The following NOS1 variants were observed in gnomAD, a reference collection of about 807,000 sequenced individuals.
NOS1 encodes the protein nitric oxide synthase 1, also known as NOS type I.
Under a neutral mutation model 164.5 loss-of-function variants are expected in NOS1, and 51 were observed. That is an observed-to-expected ratio of 0.31 (90% CI 0.25 to 0.39). The LOEUF is 0.39. NOS1 is among the 10% of genes least tolerant of loss of function. The pLI is 1.00. For synonymous variants in NOS1, 719 were observed against 745.8 expected, an observed-to-expected ratio of 0.96 and a Z score of 0.59; for missense variants, 1,362 against 1,885.6, an observed-to-expected ratio of 0.72 and a Z score of 5.14.
At chr12:117,247,284 G>C in intron 18 of NOS1, 64 bp downstream of exon 18, 1 of 1,322,668 alleles carries the variant, frequency 7.6e-7, no homozygotes, top group Non-Finnish European at 1.0e-6. Flanking sequence ...TGATGGTTTA[G>C]GTGCTGTCTT....
Position 117,225,088 on chromosome 12 carries a change from C to T in NOS1, c.3754G>A (p.Val1252Ile), listed in dbSNP as rs761681327. Reference sequence around the variant, plus strand: ...GGGGCAATGCCGGTGCCTGGTCCAACGAGGATGCAGGGGACTTGGGGGTTC... The same window carrying T: ...GGGGCAATGCCGGTGCCTGGTCCAATGAGGATGCAGGGGACTTGGGGGTTC... ...PRNPQVPCILVGPGTGIAPFR... is the reference protein window; with the variant it reads ...PRNPQVPCILIGPGTGIAPFR... The change falls in exon 25 of 29, where the codon GTT (valine) becomes ATT (isoleucine). Residue 1252 changes from valine (V) to isoleucine (I), a missense_variant. Around this residue, in one of 4 missense-constraint regions of NOS1, gnomAD observed 737 missense variants for 1,030.3 expected, o/e 0.72. Transcript: ENST00000317775. The T allele has an allele frequency of 1.7e-5, 28 of 1,614,104 alleles. No homozygotes were observed. Among genetic ancestry groups the T allele is most frequent in the South Asian group, 1.1e-4 (10 of 91,074 alleles).
intron 1 of NOS1, among the ~76,000 whole-genome samples, chr12:117,358,795 A>G (rs1047613898): frequency 2.0e-5 from 3 of 152,194 alleles, no homozygotes; most frequent in South Asian, 2.1e-4. Context: ...GGGGAAAAAA[A>G]TCACACAATT....
Position 117,322,104 on chromosome 12 carries a change from C to T in NOS1, c.725+8241G>A, listed in dbSNP as rs375428057. On this transcript the variant is annotated intron_variant, in intron 2 of 28. Transcript: ENST00000317775. ...TTTCTCTCTTCTTCCTTCCCTCCCTCTCTCCTCCCTTCCCCTTTTCCTTCC... is the reference window on the plus strand; with the variant it reads ...TTTCTCTCTTCTTCCTTCCCTCCCTTTCTCCTCCCTTCCCCTTTTCCTTCC... 9.0e-4 allele frequency among the ~76,000 whole-genome samples: 121 copies of T among 134,140 alleles called. 1 individual carries two copies. The highest frequency in any genetic ancestry group is 2.8e-3 in the African/African-American group (102 of 36,162). The allele number at this position is 134,140 out of a possible 152,430, so 88.0% of individuals were successfully genotyped here. A position where few individuals can be genotyped will look rare whatever the true frequency, so the allele number is the denominator to read the frequency against.
At chr12:117,221,818 ATTTTTTTTTTTT>A (rs3070338) in intron 26 of NOS1, among the ~76,000 whole-genome samples, 1 of 111,550 alleles carries the variant, frequency 9.0e-6, no homozygotes, top group South Asian at 2.9e-4. Context: ...GCTAACTTAA[ATTTTTTTTTTTT>A]TTTTTTTTTT....
In NOS1 at chr12:117,214,214, T is replaced by C; in HGVS notation, c.*1095A>G. 1 of 985,376 alleles carries C rather than the reference T, an allele frequency of 1.0e-6. No homozygotes were observed. Among genetic ancestry groups the C allele is most frequent in the Non-Finnish European group, 1.2e-6 (1 of 829,888 alleles). 61.0% of individuals were successfully genotyped at this position (985,376 alleles called of 1,614,324 possible). On this transcript the variant is annotated 3_prime_UTR_variant, in exon 29 of 29. Transcript: ENST00000317775. Reference sequence around the variant, plus strand: ...TGGGGGAATAAAAAAATAATAATCATATTGTTACTTGATATTGTTTCCAGG... The same window carrying C: ...TGGGGGAATAAAAAAATAATAATCACATTGTTACTTGATATTGTTTCCAGG...
At chr12:117,220,762 C>T (rs541323059) in intron 26 of NOS1, among the ~76,000 whole-genome samples, 3 of 152,138 alleles carry the variant, frequency 2.0e-5, no homozygotes, top group Admixed American at 6.5e-5. Context: ...TCTGCAAAGC[C>T]GGCTGCTGTA....
rs1461336264 is a variant in NOS1, at chr12:117,212,572, TTCC to T, written c.*2734_*2736del. 36 of 985,362 alleles carry T rather than the reference TTCC, an allele frequency of 3.7e-5. No individual in the cohort carries two copies. Among genetic ancestry groups the T allele is most frequent in the Non-Finnish European group, 4.3e-5 (36 of 829,968 alleles). The allele number at this position is 985,362 out of a possible 1,614,324, so 61.0% of individuals were successfully genotyped here. On this transcript the variant is annotated 3_prime_UTR_variant, in exon 29 of 29. Transcript: ENST00000317775. ...TGTTCCTATTTCAGGAGACGTCTCA[TTCC>T]TCCTGGCCAAACTCACTTTTGTGAA...
In NOS1 at chr12:117,318,977, C is replaced by T. The variant is rs1026717075; in HGVS notation, c.726-7385G>A. Among the ~76,000 whole-genome samples, 89 of 152,156 alleles carry T rather than the reference C, an allele frequency of 5.8e-4. 1 individual carries two copies. Among genetic ancestry groups the T allele is most frequent in the Non-Finnish European group, 1.0e-3 (70 of 68,028 alleles). On this transcript the variant is annotated intron_variant, in intron 2 of 28. Coordinates refer to ENST00000317775, the MANE Select transcript of NOS1 (RefSeq NM_000620.5). ...GACTTGGAGGCTGTGGAGGCTGGGT[C>T]TGGGGTCTCTGCAAAGCTTTTCTTC...
intron 3 of NOS1, among the ~76,000 whole-genome samples, chr12:117,291,069 C>A (rs2136026575): frequency 6.6e-6 from 1 of 152,050 alleles, no homozygotes; most frequent in East Asian, 1.9e-4. Context: ...CAAAAATTAG[C>A]CAGGTGTGGT....
intron 20 of NOS1, among the ~76,000 whole-genome samples, chr12:117,237,729 CACCTGTG>C (rs1234754720): frequency 6.6e-6 from 1 of 151,904 alleles, no homozygotes; most frequent in Non-Finnish European, 1.5e-5. Context: ...TAAATATTGT[CACCTGTG>C]AACTGCTCAA....
At chr12:117,216,173 C>T (rs1158902249) in intron 28 of NOS1, among the ~76,000 whole-genome samples, 3 of 146,766 alleles carry the variant, frequency 2.0e-5, no homozygotes, top group Admixed American at 6.9e-5. Flanking sequence ...CCACTGGGCC[C>T]GTCAAAAGGG....
chr12:117,285,753 A>C (rs1874070703), intron 6 of NOS1, among the ~76,000 whole-genome samples: 1 of 152,216 alleles, frequency 6.6e-6, no homozygotes, highest in Non-Finnish European at 1.5e-5. Flanking sequence ...AATCGTAACC[A>C]AGGGACACAG....
chr12:117,279,160 T>C (rs1462788396), intron 8 of NOS1, among the ~76,000 whole-genome samples: 1 of 151,858 alleles, frequency 6.6e-6, no homozygotes, highest in Non-Finnish European at 1.5e-5. Context: ...GGGCGGATCA[T>C]GAGGTCAGGA....
Position 117,259,060 on chromosome 12 carries a change from GT to G in NOS1, c.2437del (p.Thr813ProfsTer18). 1.2e-6 allele frequency: 2 copies of G among 1,614,076 alleles called. No individual in the cohort carries two copies. The highest frequency in any genetic ancestry group is 1.7e-6 in the Non-Finnish European group (2 of 1,179,982). Reference protein sequence around the residue: ...HETLVLVVTSTFGNGDPPENG... With the variant: ...HETLVLVVTSXFGNGDPPENG... ...CTCAGGGGGATCTCCATTGCCAAAG[GT>G]GCTGGTGACCACAAGGACCAGAGTT... On this transcript the variant is annotated frameshift_variant, in exon 15 of 29. Coordinates refer to ENST00000317775, the MANE Select transcript of NOS1 (RefSeq NM_000620.5). LOFTEE classifies it high-confidence loss of function.
chr12:117,323,884 C>T (rs984473619), intron 2 of NOS1, among the ~76,000 whole-genome samples: 6 of 152,062 alleles, frequency 3.9e-5, no homozygotes, highest in Admixed American at 2.6e-4. Context: ...CAGGTTCAAG[C>T]GATTCTCCTG....
At chr12:117,344,132 A>G (rs889498379) in intron 1 of NOS1, among the ~76,000 whole-genome samples, 2 of 152,238 alleles carry the variant, frequency 1.3e-5, no homozygotes, top group Admixed American at 1.3e-4. Context: ...GTAAACTAGT[A>G]CCAAGGACAG....
At chr12:117,253,163 T>C (rs1433395821) in intron 17 of NOS1, among the ~76,000 whole-genome samples, 2 of 152,118 alleles carry the variant, frequency 1.3e-5, no homozygotes, top group African/African-American at 4.8e-5. Flanking sequence ...CAATTCTAGA[T>C]CAATTCCATC....
At chr12:117,320,337 C>T (rs1210066685) in intron 2 of NOS1, among the ~76,000 whole-genome samples, 1 of 152,118 alleles carries the variant, frequency 6.6e-6, no homozygotes, top group Non-Finnish European at 1.5e-5. Flanking sequence ...GGAGCTCTGA[C>T]TACAGAAGGG....
chr12:117,292,770 G>A (rs1226858192), intron 3 of NOS1, among the ~76,000 whole-genome samples: 3 of 152,160 alleles, frequency 2.0e-5, no homozygotes, highest in African/African-American at 7.2e-5. Flanking sequence ...TGTTTATTGA[G>A]TAGTTCCTAT....
Sources: gnomAD v4.1 joint callset for allele counts (sites outside exome capture counted in the v4.1 genomes callset) on GRCh38, gnomAD v4.1.1 for gene constraint, gnomAD v4.1.1 regional missense constraint, MANE v1.5 for transcripts, NCBI Gene and HGNC (gene_info 2026-07-23, HGNC 2026-07-21) for gene names.